AGAP1: variants seen among roughly 807,000 people sequenced by gnomAD.
AGAP1 encodes arf-GAP with GTPase, ANK repeat and PH domain-containing protein 1.
In AGAP1, 29 loss-of-function variants were observed where a neutral mutation model predicts 105.3. That is an observed-to-expected ratio of 0.28 (90% confidence interval 0.21 to 0.38). AGAP1 has a LOEUF of 0.38. Ranked by LOEUF, AGAP1 falls within the 10% of genes least tolerant of loss-of-function variation. The pLI, the probability that AGAP1 is intolerant of heterozygous loss-of-function variation, is 1.00. For synonymous variants in AGAP1, 509 were observed against 485.9 expected (o/e 1.05, Z -0.63); for missense variants, 998 against 1,165.1 (o/e 0.86, Z 2.09).
chr2:235,772,241 G>A (rs958684788), intron 6 of AGAP1, among the ~76,000 whole-genome samples: 4 of 151,932 alleles, frequency 2.6e-5, no homozygotes, highest in Admixed American at 2.0e-4. Context: ...ATCCGCCTGC[G>A]TCAGCCTCCC....
rs115306323 is a variant in AGAP1, at chr2:236,087,996, G to C, written c.2115-32196G>C. 0.013 allele frequency among the ~76,000 whole-genome samples: 1,962 copies of C among 152,246 alleles called. 40 individuals are homozygous for C. Among genetic ancestry groups the C allele is most frequent in the African/African-American group, 0.044 (1,830 of 41,532 alleles). ...TTGGTATCCTTGGCCCCGGGGTCCA[G>C]GTTATTCAGTTTGTTGATGGCTATC... On this transcript the variant is annotated intron_variant, in intron 16 of 17. Coordinates refer to ENST00000304032, the MANE Select transcript of AGAP1 (RefSeq NM_001037131.3). This position sits in a 1 kb window ranked among gnomAD's most constrained non-coding sequence, Gnocchi z 5.7.
intron 1 of AGAP1, among the ~76,000 whole-genome samples, chr2:235,513,522 G>GAAAAAAAAAAAA (rs5839595): frequency 1.4e-5 from 1 of 73,226 alleles, no homozygotes; most frequent in Non-Finnish European, 2.4e-5. Flanking sequence ...CTCCGTCTCA[G>GAAAAAAAAAAAA]AAAAAAAAAA....
rs964326150 is a variant in AGAP1, at chr2:235,960,608, C to T, written c.1484-7854C>T. On this transcript the variant is annotated intron_variant, in intron 12 of 17. Coordinates refer to ENST00000304032, the MANE Select transcript of AGAP1 (RefSeq NM_001037131.3). The surrounding 1 kb of genome is among the most constrained non-coding windows in gnomAD (Gnocchi z 4.9). ...TACTGGAGATGCGATTCCCCTCTTC[C>T]TTCTTTGTTCAGGTAGCAGGGCCCA... Among the ~76,000 whole-genome samples, 4 of 152,190 alleles carry T rather than the reference C, an allele frequency of 2.6e-5. No individual in the cohort carries two copies. Among genetic ancestry groups the T allele is most frequent in the African/African-American group, 7.2e-5 (3 of 41,448 alleles).
At position 235,642,271 on chromosome 2, in the gene AGAP1, C is replaced by T. The variant is rs1014571305; in HGVS notation, c.164-66908C>T. 6.6e-6 allele frequency among the ~76,000 whole-genome samples: 1 copy of T among 152,158 alleles called. No individual in the cohort carries two copies. Among genetic ancestry groups the T allele is most frequent in the Non-Finnish European group, 1.5e-5 (1 of 68,030 alleles). ...GCATTTCTTTCCTCACATTTGGGGG[C>T]ATTCAGTGGGGGAGGATTTACAAAG... is the stretch of plus-strand genomic sequence containing the variant. On this transcript the variant is annotated intron_variant, in intron 1 of 17. Coordinates refer to ENST00000304032, the MANE Select transcript of AGAP1 (RefSeq NM_001037131.3). The surrounding 1 kb of genome is among the most constrained non-coding windows in gnomAD (Gnocchi z 4.1).
chr2:235,998,716 GATGATGATGGTGATGGT>G (rs2055928413), intron 13 of AGAP1, among the ~76,000 whole-genome samples: 2 of 147,122 alleles, frequency 1.4e-5, no homozygotes, highest in East Asian at 4.2e-4. Flanking sequence ...TGATAGTGGT[GATGATGATGGTGATGGT>G]ATGATGATTA....
At chr2:235,738,385 G>A (rs551694115) in intron 3 of AGAP1, among the ~76,000 whole-genome samples, 90 of 152,082 alleles carry the variant, frequency 5.9e-4, no homozygotes, top group African/African-American at 2.0e-3. Flanking sequence ...CTGAGGCATC[G>A]AGCAGTTGAG....
chr2:236,065,089 G>C (rs754531), intron 16 of AGAP1, among the ~76,000 whole-genome samples: 5,469 of 152,346 alleles, frequency 0.036, 134 homozygotes, highest in Non-Finnish European at 0.047. Flanking sequence ...AGGTGAGGCA[G>C]ATACAGACAG....
At chr2:235,859,348 G>T (rs944977175) in intron 9 of AGAP1, among the ~76,000 whole-genome samples, 1 of 149,776 alleles carries the variant, frequency 6.7e-6, no homozygotes, top group African/African-American at 2.5e-5. Flanking sequence ...TTACTGGCCC[G>T]GTGAGAACCC....
intron 1 of AGAP1, among the ~76,000 whole-genome samples, chr2:235,545,103 C>T (rs1943580513): frequency 6.6e-6 from 1 of 152,168 alleles, no homozygotes; most frequent in South Asian, 2.1e-4. Context: ...AGATCATGGT[C>T]TGTTAGCGGA....
At chr2:235,779,609 G>A (rs1575437847) in intron 6 of AGAP1, among the ~76,000 whole-genome samples, 1 of 152,192 alleles carries the variant, frequency 6.6e-6, no homozygotes, top group Non-Finnish European at 1.5e-5. Flanking sequence ...GCCACTAGAT[G>A]GCAGTACCGC....
intron 1 of AGAP1, among the ~76,000 whole-genome samples, chr2:235,529,946 A>G (rs1688245408): frequency 6.6e-6 from 1 of 152,116 alleles, no homozygotes; most frequent in Non-Finnish European, 1.5e-5. Context: ...GAAAGGTTAA[A>G]ATAAGGCTTG....
At chr2:235,822,333 T>A (rs1958834358) in intron 9 of AGAP1, among the ~76,000 whole-genome samples, 2 of 152,194 alleles carry the variant, frequency 1.3e-5, no homozygotes, top group South Asian at 4.1e-4. Context: ...ACTTGTTGGT[T>A]ACTTAAAGAA....
intron 1 of AGAP1, among the ~76,000 whole-genome samples, chr2:235,568,005 T>C (rs1214250028): frequency 6.6e-6 from 1 of 152,064 alleles, no homozygotes; most frequent in Non-Finnish European, 1.5e-5. Flanking sequence ...AAATGCCAGG[T>C]ATATGCCCTC....
intron 9 of AGAP1, among the ~76,000 whole-genome samples, chr2:235,880,306 G>A (rs543754468): frequency 2.0e-5 from 3 of 152,144 alleles, no homozygotes; most frequent in African/African-American, 7.2e-5. Flanking sequence ...AAATCCATCC[G>A]CGTGGAGCCC....
intron 12 of AGAP1, among the ~76,000 whole-genome samples, chr2:235,943,538 C>A (rs770326489): frequency 6.6e-6 from 1 of 151,890 alleles, no homozygotes; most frequent in African/African-American, 2.4e-5. Context: ...TTAGTAGAGA[C>A]GGGGTTTCGC....
At position 235,740,235 on chromosome 2, in the gene AGAP1, G is replaced by T. The variant is rs148716812; in HGVS notation, c.311-728G>T. Among the ~76,000 whole-genome samples the T allele has an allele frequency of 6.6e-6, 1 of 152,040 alleles. No individual in the cohort carries two copies. Among genetic ancestry groups the T allele is most frequent in the Non-Finnish European group, 1.5e-5 (1 of 68,016 alleles). On this transcript the variant is annotated intron_variant, in intron 3 of 17. Coordinates refer to ENST00000304032, the MANE Select transcript of AGAP1 (RefSeq NM_001037131.3). The surrounding 1 kb of genome is among the most constrained non-coding windows in gnomAD (Gnocchi z 5.7). The stretch of plus-strand genomic sequence containing the variant: ...CCATCCCCTCCTGAGAGCATCAGGG[G>T]CCGGGACGTCCAAGGTAGCACCAGG...
rs542316040 is a variant in AGAP1 at position 235,758,217 on chromosome 2, C to G, written c.673+7729C>G. ...AAGATTTTTTACACTTGAAAGCAAGCCATGTATATGTGTACATTAGGCACT... is the reference window on the plus strand; with the variant it reads ...AAGATTTTTTACACTTGAAAGCAAGGCATGTATATGTGTACATTAGGCACT... On this transcript the variant is annotated intron_variant, in intron 6 of 17. Coordinates refer to ENST00000304032, the MANE Select transcript of AGAP1 (RefSeq NM_001037131.3). 2.0e-5 allele frequency among the ~76,000 whole-genome samples: 3 copies of G among 152,146 alleles called. No homozygotes were observed. In the South Asian group the frequency reaches 6.2e-4, roughly 32 times the overall value.
rs1953610502 is a variant in AGAP1 at position 235,753,266 on chromosome 2, T to C, written c.673+2778T>C. Among the ~76,000 whole-genome samples, 1 of 152,178 alleles carries C rather than the reference T, an allele frequency of 6.6e-6. No individual in the cohort carries two copies. The highest frequency in any genetic ancestry group is 2.4e-5 in the African/African-American group (1 of 41,442). ...GGACTGATATTTCTAAATATTAGTTTAAAATATTCAGAAAAAGCGTTTCCG... is the reference window on the plus strand; with the variant it reads ...GGACTGATATTTCTAAATATTAGTTCAAAATATTCAGAAAAAGCGTTTCCG... On this transcript the variant is annotated intron_variant, in intron 6 of 17. Transcript: ENST00000304032. The surrounding 1 kb of genome is among the most constrained non-coding windows in gnomAD (Gnocchi z 4.5).
rs1027237075 is a variant in AGAP1, at chr2:235,877,960, C to G, written c.1051-5385C>G. ...CCCTTCCTCCCTCCACCCTGCACACCTATGGCAGGGCCCAGACATTCAGGC... is the reference window on the plus strand; with the variant it reads ...CCCTTCCTCCCTCCACCCTGCACACGTATGGCAGGGCCCAGACATTCAGGC... On this transcript the variant is annotated intron_variant, in intron 9 of 17. Transcript: ENST00000304032. This position sits in a 1 kb window ranked among gnomAD's most constrained non-coding sequence, Gnocchi z 4.3. Among the ~76,000 whole-genome samples, 1 of 152,194 alleles carries G rather than the reference C, an allele frequency of 6.6e-6. No homozygotes were observed.
Sources: gnomAD v4.1 joint callset for allele counts (sites outside exome capture counted in the v4.1 genomes callset) on GRCh38, gnomAD v4.1.1 for gene constraint, Gnocchi (gnomAD v3.1) non-coding constraint, MANE v1.5 for transcripts, NCBI Gene and HGNC (gene_info 2026-07-23, HGNC 2026-07-21) for gene names.